DCLK1: variants seen among roughly 807,000 people sequenced by gnomAD.
The protein encoded by DCLK1 is serine/threonine-protein kinase DCLK1.
DCLK1 carries 16 observed loss-of-function variants against 86.2 expected under a neutral mutation model. That is an observed-to-expected ratio of 0.19 (90% CI 0.13 to 0.28). DCLK1 has a LOEUF of 0.28. DCLK1 is among the 10% of genes least tolerant of loss of function. The probability of loss-of-function intolerance (pLI) is 1.00; values close to 1 mark genes in which losing one functional copy is unlikely to be tolerated. For missense variants in DCLK1, 590 were observed against 940.2 expected, an observed-to-expected ratio of 0.63 and a Z score of 4.87; for synonymous variants, 369 against 370.5, an observed-to-expected ratio of 1.00 and a Z score of 0.05.
intron 3 of DCLK1, among the ~76,000 whole-genome samples, chr13:36,095,696 T>C (rs1407787019): frequency 2.0e-5 from 3 of 152,054 alleles, no homozygotes; most frequent in African/African-American, 4.8e-5. Context: ...CTGAGAAACA[T>C]AGTAGAAAAA....
At chr13:35,807,388 C>T (rs7990597) in intron 14 of DCLK1, among the ~76,000 whole-genome samples, 24,512 of 152,086 alleles carry the variant, frequency 0.16, 2,992 homozygotes, top group African/African-American at 0.33. Context: ...GTTTTCCTCC[C>T]CCTCTGCCTC....
intron 2 of DCLK1, among the ~76,000 whole-genome samples, chr13:36,122,110 A>G (rs1886013207): frequency 6.6e-6 from 1 of 152,196 alleles, no homozygotes; most frequent in Non-Finnish European, 1.5e-5. Flanking sequence ...GAAATAGGGA[A>G]ATAAAGTAGA....
At chr13:35,887,561 A>G (rs1206360139) in intron 4 of DCLK1, among the ~76,000 whole-genome samples, 1 of 152,202 alleles carries the variant, frequency 6.6e-6, no homozygotes, top group East Asian at 1.9e-4. Flanking sequence ...TGGGTGGGAA[A>G]GACTGATGAA....
intron 16 of DCLK1, among the ~76,000 whole-genome samples, chr13:35,778,884 T>G (rs1056892980): frequency 3.0e-4 from 46 of 152,240 alleles, no homozygotes; most frequent in African/African-American, 1.0e-3. Flanking sequence ...TTTTCTTCAC[T>G]TGCCATAAAA....
At chr13:36,071,707 G>C (rs1254921188) in intron 3 of DCLK1, among the ~76,000 whole-genome samples, 7 of 152,168 alleles carry the variant, frequency 4.6e-5, no homozygotes, top group Non-Finnish European at 2.9e-5. Context: ...CCAAGGCTAA[G>C]AAACACTAAA....
At position 35,877,447 on chromosome 13, in the gene DCLK1, A is replaced by G. The variant is rs145427364; in HGVS notation, c.824-6107T>C. The stretch of plus-strand genomic sequence containing the variant: ...AGCTCACATAGTGATCATGCATTCA[A>G]AGGGGCCTACTTAGACCTTCTGGAG... On this transcript the variant is annotated intron_variant, in intron 4 of 16. Coordinates refer to ENST00000360631, the MANE Select transcript of DCLK1 (RefSeq NM_001330071.2). 9.9e-4 allele frequency among the ~76,000 whole-genome samples: 151 copies of G among 152,354 alleles called. 1 individual carries two copies. Among genetic ancestry groups the G allele is most frequent in the African/African-American group, 3.5e-3 (147 of 41,576 alleles).
chr13:35,976,762 T>C (rs1024041491), intron 3 of DCLK1, among the ~76,000 whole-genome samples: 3 of 151,462 alleles, frequency 2.0e-5, no homozygotes, highest in Admixed American at 6.6e-5. Flanking sequence ...TCTCGATCTC[T>C]TGACCTCGTG....
intron 3 of DCLK1, among the ~76,000 whole-genome samples, chr13:36,097,460 G>A (rs1885059191): frequency 1.3e-5 from 2 of 151,986 alleles, no homozygotes; most frequent in African/African-American, 2.4e-5. Context: ...TAAAATAGTT[G>A]TACTGTATAT....
At chr13:35,782,992 C>G (rs933499749) in intron 16 of DCLK1, among the ~76,000 whole-genome samples, 2 of 152,240 alleles carry the variant, frequency 1.3e-5, no homozygotes, top group African/African-American at 4.8e-5. Flanking sequence ...TCCAATAAAA[C>G]TTTATTTACA....
intron 3 of DCLK1, among the ~76,000 whole-genome samples, chr13:36,100,972 A>G (rs1333180492): frequency 2.0e-5 from 3 of 152,126 alleles, no homozygotes; most frequent in Non-Finnish European, 4.4e-5. Flanking sequence ...ATTCCTGCAC[A>G]CCTTAAAAAC....
At chr13:36,043,233 A>G (rs190066856) in intron 3 of DCLK1, among the ~76,000 whole-genome samples, 237 of 152,208 alleles carry the variant, frequency 1.6e-3, no homozygotes, top group Non-Finnish European at 2.8e-3. Flanking sequence ...TAATTTCCTC[A>G]GAGAGTTAAG....
chr13:36,077,266 A>T (rs1884245907), intron 3 of DCLK1, among the ~76,000 whole-genome samples: 2 of 152,108 alleles, frequency 1.3e-5, no homozygotes, highest in Admixed American at 1.3e-4. Context: ...AAATTACAAC[A>T]TATTTTGCAA....
intron 4 of DCLK1, among the ~76,000 whole-genome samples, chr13:35,909,087 G>A (rs973581572): frequency 1.3e-5 from 2 of 152,184 alleles, no homozygotes; most frequent in South Asian, 2.1e-4. Context: ...ATCTGAGCAC[G>A]CTCAGTAGGT....
rs1444010060 is a variant in DCLK1, at chr13:35,870,604, GACAA to G, written c.940+616_940+619del. On this transcript the variant is annotated intron_variant, in intron 5 of 16. Transcript: ENST00000360631. ...ATAACAATAGAGACCCTTCACCTGA[GACAA>G]ACAAAGAAGACACTTTCTAACTGAC... is the stretch of plus-strand genomic sequence containing the variant. 5.3e-5 allele frequency among the ~76,000 whole-genome samples: 8 copies of G among 152,140 alleles called. No individual in the cohort carries two copies. The South Asian group carries it at 1.4e-3, about 28-fold the overall frequency.
intron 4 of DCLK1, among the ~76,000 whole-genome samples, chr13:35,901,134 T>C (rs931891521): frequency 6.6e-6 from 1 of 152,260 alleles, no homozygotes; most frequent in East Asian, 1.9e-4. Context: ...CAGTTCTATA[T>C]TATGATTCAA....
chr13:35,777,518 A>G (rs1419056415), intron 16 of DCLK1, among the ~76,000 whole-genome samples: 2 of 152,216 alleles, frequency 1.3e-5, no homozygotes, highest in East Asian at 3.9e-4. Context: ...CCCAGCCAGC[A>G]TGAGCTAGGG....
chr13:36,095,849 G>C (rs1884998979), intron 3 of DCLK1, among the ~76,000 whole-genome samples: 1 of 151,904 alleles, frequency 6.6e-6, no homozygotes, highest in Admixed American at 6.6e-5. Context: ...TAAAGATAGA[G>C]GATTTTGTCT....
intron 3 of DCLK1, among the ~76,000 whole-genome samples, chr13:36,024,919 G>A (rs1881967033): frequency 6.6e-6 from 1 of 150,866 alleles, no homozygotes; most frequent in African/African-American, 2.4e-5. Flanking sequence ...TGAGAAGCCA[G>A]AAATAAACCT....
chr13:36,086,452 C>CT (rs66864823), intron 3 of DCLK1, among the ~76,000 whole-genome samples: 15,036 of 141,048 alleles, frequency 0.11, 1,009 homozygotes, highest in South Asian at 0.3. Context: ...TCCTCAACAG[C>CT]TTTTTTTTTT....
Sources: gnomAD v4.1 joint callset for allele counts (sites outside exome capture counted in the v4.1 genomes callset) on GRCh38, gnomAD v4.1.1 for gene constraint, MANE v1.5 for transcripts, NCBI Gene and HGNC (gene_info 2026-07-23, HGNC 2026-07-21) for gene names.